The following MON2 variants were observed in gnomAD, a reference collection of about 807,000 sequenced individuals.
MON2 encodes the protein protein MON2 homolog.
A neutral mutation model predicts 208.6 loss-of-function variants in MON2; 84 were observed. The observed-to-expected ratio is 0.40, with a 90% CI of 0.34 to 0.48. The LOEUF (loss-of-function observed/expected upper bound fraction) is 0.48, where lower values mean the gene tolerates loss of function less well. Ranked by LOEUF, MON2 falls within the 20% of genes least tolerant of loss-of-function variation. The probability of loss-of-function intolerance (pLI) is 0.59; values close to 1 mark genes in which losing one functional copy is unlikely to be tolerated. For synonymous variants in MON2, 660 were observed against 694.0 expected (o/e 0.95, Z 0.77); for missense variants, 1,611 against 2,015.4 (o/e 0.80, Z 3.84).
chr12:62,566,972 T>G (rs1229808137), intron 29 of MON2, among the ~76,000 whole-genome samples: 9 of 152,210 alleles, frequency 5.9e-5, no homozygotes, highest in Admixed American at 5.9e-4. Context: ...GGTTCAAGAT[T>G]GATGAGCATT....
intron 11 of MON2, among the ~76,000 whole-genome samples, chr12:62,528,408 C>A (rs1468114153): frequency 1.3e-5 from 2 of 152,102 alleles, no homozygotes. Context: ...CACTACAGAT[C>A]CCTTCAAAGT....
At chr12:62,586,389 C>G (rs900082087) in intron 33 of MON2, among the ~76,000 whole-genome samples, 32 of 152,146 alleles carry the variant, frequency 2.1e-4, no homozygotes, top group African/African-American at 7.7e-4. Flanking sequence ...TATGCATTAA[C>G]CAAATTTCCC....
At chr12:62,486,183 C>T (rs116701945) in intron 2 of MON2, among the ~76,000 whole-genome samples, 9 of 151,832 alleles carry the variant, frequency 5.9e-5, no homozygotes, top group East Asian at 3.9e-4. Flanking sequence ...TTGTTGATAC[C>T]GTGGTAAGTC....
intron 23 of MON2, 77 bp downstream of exon 23, chr12:62,549,907 T>C (rs945325469): frequency 1.0e-6 from 1 of 970,184 alleles, no homozygotes; most frequent in South Asian, 2.8e-5. Flanking sequence ...GCTAAGCAAA[T>C]ATACTTTTAG....
intron 29 of MON2, among the ~76,000 whole-genome samples, chr12:62,567,347 A>G (rs2074421824): frequency 6.6e-6 from 1 of 152,192 alleles, no homozygotes; most frequent in Non-Finnish European, 1.5e-5. Context: ...TCTCAACTGT[A>G]CTTACTACTC....
rs547126636 is a variant in MON2, at chr12:62,467,177, T to C, written c.-31T>C. ...GACCGTGCCAGAGCTTGTTTGTACCTCTCGGAAATTGGCTGGGACCTTGGA... is the reference window on the plus strand; with the variant it reads ...GACCGTGCCAGAGCTTGTTTGTACCCCTCGGAAATTGGCTGGGACCTTGGA... On this transcript the variant is annotated 5_prime_UTR_variant, in exon 1 of 35. Coordinates refer to ENST00000393630, the MANE Select transcript of MON2 (RefSeq NM_015026.3). 22 of 1,593,626 alleles carry C rather than the reference T, an allele frequency of 1.4e-5. No individual in the cohort carries two copies. Among genetic ancestry groups the C allele is most frequent in the Non-Finnish European group, 1.9e-5 (22 of 1,168,040 alleles).
chr12:62,474,104 T>TTTTTC (rs1363542856), intron 1 of MON2, among the ~76,000 whole-genome samples: 31 of 151,814 alleles, frequency 2.0e-4, no homozygotes, highest in Non-Finnish European at 3.1e-4. Context: ...GAACTTCTTC[T>TTTTTC]TTTTCTTTTC....
chr12:62,557,596 C>T (rs890625419), intron 25 of MON2, among the ~76,000 whole-genome samples: 4 of 152,116 alleles, frequency 2.6e-5, no homozygotes, highest in Non-Finnish European at 4.4e-5. Flanking sequence ...GCATGTTGTA[C>T]ATATTATCTA....
At chr12:62,564,431 A>G (rs2074302960) in intron 26 of MON2, among the ~76,000 whole-genome samples, 1 of 152,022 alleles carries the variant, frequency 6.6e-6, no homozygotes, top group South Asian at 2.1e-4. Flanking sequence ...ATATCATTAA[A>G]TGTTTTTCTC....
chr12:62,504,319 A>T (rs968869502), intron 7 of MON2, among the ~76,000 whole-genome samples: 1 of 142,708 alleles, frequency 7.0e-6, no homozygotes, highest in Non-Finnish European at 1.5e-5. Flanking sequence ...ATCTCGGCTC[A>T]CTGCAAGCTC....
At chr12:62,527,828 A>G (rs2072412573) in intron 11 of MON2, among the ~76,000 whole-genome samples, 1 of 151,402 alleles carries the variant, frequency 6.6e-6, no homozygotes, top group Admixed American at 6.6e-5. Context: ...GGGAGTGAAG[A>G]TGTGTACTTG....
chr12:62,553,248 TATTTC>T, intron 24 of MON2, 74 bp downstream of exon 24: 1 of 1,316,142 alleles, frequency 7.6e-7, no homozygotes, highest in Non-Finnish European at 1.0e-6. Context: ...CAGTTAAACT[TATTTC>T]TTTTAATTTT....
chr12:62,493,116 T>C (rs1042325763), intron 2 of MON2, among the ~76,000 whole-genome samples: 3 of 152,240 alleles, frequency 2.0e-5, no homozygotes, highest in Admixed American at 6.5e-5. Context: ...GTGTTATTTA[T>C]TCAAATTCTG....
Position 62,598,771 on chromosome 12 carries a change from T to A in MON2, c.*6022T>A, listed in dbSNP as rs2075574332. The A allele has an allele frequency of 6.6e-6, 1 of 152,228 alleles. No homozygotes were observed. Among genetic ancestry groups the A allele is most frequent in the African/African-American group, 2.4e-5 (1 of 41,460 alleles). 9.4% of individuals were successfully genotyped at this position (152,228 alleles called of 1,614,324 possible). On this transcript the variant is annotated 3_prime_UTR_variant, in exon 35 of 35. Coordinates refer to ENST00000393630, the MANE Select transcript of MON2 (RefSeq NM_015026.3). ...TTATAATCATGAAATTGTATTGGCCTCAAACCCAAATTTTCTTTGTAGTCT... is the reference window on the plus strand; with the variant it reads ...TTATAATCATGAAATTGTATTGGCCACAAACCCAAATTTTCTTTGTAGTCT...
At chr12:62,550,185 A>C in intron 23 of MON2, among the ~76,000 whole-genome samples, 1 of 152,202 alleles carries the variant, frequency 6.6e-6, no homozygotes, top group Non-Finnish European at 1.5e-5. Context: ...GAAGCCAAGC[A>C]TTGACTTTTT....
chr12:62,582,346 T>A (rs750171966), intron 32 of MON2, among the ~76,000 whole-genome samples: 1 of 152,190 alleles, frequency 6.6e-6, no homozygotes, highest in Non-Finnish European at 1.5e-5. Context: ...GACACATGTC[T>A]TCTCAGCACT....
intron 23 of MON2, among the ~76,000 whole-genome samples, chr12:62,552,574 G>T (rs1328704051): frequency 1.3e-5 from 2 of 151,520 alleles, no homozygotes; most frequent in South Asian, 4.2e-4. Flanking sequence ...TTAGGTGGTA[G>T]ATACATCAAT....
At chr12:62,578,038 GTC>G (rs1231065311) in intron 30 of MON2, among the ~76,000 whole-genome samples, 1 of 152,058 alleles carries the variant, frequency 6.6e-6, no homozygotes, top group Non-Finnish European at 1.5e-5. Context: ...TTAATGGACT[GTC>G]TCTGAGTGAA....
intron 1 of MON2, among the ~76,000 whole-genome samples, chr12:62,479,279 G>T (rs2069259478): frequency 6.6e-6 from 1 of 152,130 alleles, no homozygotes; most frequent in Non-Finnish European, 1.5e-5. Context: ...GGATATTCAA[G>T]CCCCTGATAT....
Sources: allele counts gnomAD v4.1 joint callset (sites outside exome capture counted in the v4.1 genomes callset), GRCh38; gene constraint gnomAD v4.1.1; transcripts MANE v1.5; gene names NCBI Gene and HGNC (gene_info 2026-07-23, HGNC 2026-07-21).